EYS: variants seen among roughly 807,000 people sequenced by gnomAD.
The protein encoded by EYS is EGF-like photoreceptor maintenance factor.
EYS carries 250 observed loss-of-function variants against 282.1 expected under a neutral mutation model. The ratio of observed to expected loss-of-function variants is 0.89; its 90% confidence interval spans 0.80 to 0.98. The LOEUF (loss-of-function observed/expected upper bound fraction) is 0.98, where lower values mean the gene tolerates loss of function less well. EYS is among the 50% of genes least tolerant of loss of function. The pLI, the probability that EYS is intolerant of heterozygous loss-of-function variation, is 0.00. For synonymous variants in EYS, 1,355 were observed against 1,282.9 expected, an observed-to-expected ratio of 1.06 and a Z score of -1.20; for missense variants, 4,016 against 3,709.0, an observed-to-expected ratio of 1.08 and a Z score of -2.15.
At chr6:65,400,819 C>T (rs1186517946) in intron 7 of EYS, among the ~76,000 whole-genome samples, 1 of 151,804 alleles carries the variant, frequency 6.6e-6, no homozygotes, top group Admixed American at 6.6e-5. Flanking sequence ...TTCACCTTGA[C>T]ACATTTTTTT....
At chr6:65,483,007 A>C (rs1765660037) in intron 5 of EYS, among the ~76,000 whole-genome samples, 1 of 152,214 alleles carries the variant, frequency 6.6e-6, no homozygotes, top group South Asian at 2.1e-4. Flanking sequence ...TACACATTTA[A>C]AAATTTAGCA....
rs1410880283 is a variant in EYS, at chr6:64,317,305, A to C, written c.6079-10223T>G. Among the ~76,000 whole-genome samples the C allele has an allele frequency of 2.0e-5, 3 of 151,814 alleles. No homozygotes were observed. In the South Asian group the frequency reaches 6.2e-4, roughly 32 times the overall value. ...ATCTATCCATCTGACAAAGGGCTAA[A>C]ATTCAGAATCTACAAAGAACTTAAA... is the stretch of plus-strand genomic sequence containing the variant. On this transcript the variant is annotated intron_variant, in intron 29 of 42. Transcript: ENST00000503581.
At chr6:64,903,183 A>G (rs907023003) in intron 16 of EYS, among the ~76,000 whole-genome samples, 1 of 152,164 alleles carries the variant, frequency 6.6e-6, no homozygotes, top group Non-Finnish European at 1.5e-5. Context: ...TTATATATTA[A>G]CTAAGTATAA....
intron 31 of EYS, among the ~76,000 whole-genome samples, chr6:64,115,182 T>G (rs1198876536): frequency 6.6e-6 from 1 of 152,098 alleles, no homozygotes; most frequent in Non-Finnish European, 1.5e-5. Context: ...TGCACATGAG[T>G]ATGTCCCAGA....
chr6:65,196,140 T>A (rs1204130486), intron 12 of EYS, among the ~76,000 whole-genome samples: 1 of 152,042 alleles, frequency 6.6e-6, no homozygotes, highest in Non-Finnish European at 1.5e-5. Context: ...CAGTTTGCCA[T>A]AATTTTGTTC....
intron 13 of EYS, among the ~76,000 whole-genome samples, chr6:65,010,181 G>A (rs1344564558): frequency 6.6e-6 from 1 of 152,210 alleles, no homozygotes; most frequent in East Asian, 1.9e-4. Flanking sequence ...GGACAAGCTT[G>A]CAACCTGTGG....
intron 35 of EYS, among the ~76,000 whole-genome samples, chr6:63,924,064 T>G (rs1002453080): frequency 1.3e-5 from 2 of 152,144 alleles, no homozygotes; most frequent in Non-Finnish European, 2.9e-5. Context: ...CAAAAAGGAA[T>G]TCTCTAAAGC....
chr6:65,600,651 C>G (rs1406652848), intron 2 of EYS, among the ~76,000 whole-genome samples: 1 of 151,848 alleles, frequency 6.6e-6, no homozygotes, highest in Admixed American at 6.6e-5. Context: ...CCGCCAAATC[C>G]CAATCAGGAA....
At chr6:64,175,726 C>T (rs535654583) in intron 31 of EYS, among the ~76,000 whole-genome samples, 5 of 152,220 alleles carry the variant, frequency 3.3e-5, no homozygotes, top group Middle Eastern at 3.4e-3. Flanking sequence ...TCCGGTCATG[C>T]CCTGTGAAGT....
At chr6:64,734,535 G>A (rs1426728803) in intron 22 of EYS, among the ~76,000 whole-genome samples, 1 of 152,002 alleles carries the variant, frequency 6.6e-6, no homozygotes, top group Admixed American at 6.5e-5. Flanking sequence ...AAAATTTTGG[G>A]GTTTGTGTAG....
intron 13 of EYS, among the ~76,000 whole-genome samples, chr6:65,007,157 C>A (rs760018873): frequency 1.9e-4 from 29 of 151,984 alleles, no homozygotes; most frequent in Non-Finnish European, 3.2e-4. Flanking sequence ...TGTAACTAAT[C>A]AGATAAGCAG....
chr6:64,296,770 C>G (rs1056796127), intron 30 of EYS, among the ~76,000 whole-genome samples: 2 of 151,600 alleles, frequency 1.3e-5, no homozygotes, highest in Non-Finnish European at 2.9e-5. Context: ...CCAAGCCAGG[C>G]TAACTTTTGT....
intron 26 of EYS, among the ~76,000 whole-genome samples, chr6:64,444,149 C>A (rs928521926): frequency 6.6e-6 from 1 of 152,078 alleles, no homozygotes; most frequent in East Asian, 1.9e-4. Context: ...TAGGCATCCA[C>A]CTTATAGTTC....
intron 31 of EYS, among the ~76,000 whole-genome samples, chr6:64,165,829 G>C (rs1434761540): frequency 6.6e-6 from 1 of 152,070 alleles, no homozygotes; most frequent in African/African-American, 2.4e-5. Flanking sequence ...TTGATTACTT[G>C]AGATGTATGG....
In EYS at chr6:64,593,174, G is replaced by C. The variant is rs1325603135; in HGVS notation, c.3820C>G (p.Pro1274Ala). 1 of 1,549,302 alleles carries C rather than the reference G, an allele frequency of 6.5e-7. No individual in the cohort carries two copies. The highest frequency in any genetic ancestry group is 2.0e-5 in the Admixed American group (1 of 50,608). Residue 1274 changes from proline to alanine, a missense_variant, in exon 25 of 43, where the codon CCA becomes GCA. Coordinates refer to ENST00000503581, the MANE Select transcript of EYS (RefSeq NM_001142800.2). ...GGTATTCTAGTAGCCTTTATAGATG[G>C]AAAGCTGCTGACCAAAGTCTCAGAA... is the stretch of plus-strand genomic sequence containing the variant. ...PPSETLVSSFPSIKATRIPAI... is the reference protein window; with the variant it reads ...PPSETLVSSFASIKATRIPAI...
Position 63,744,671 on chromosome 6 carries a change from G to A in EYS, c.8071+17790C>T, listed in dbSNP as rs138930145. The stretch of plus-strand genomic sequence containing the variant: ...CAACCTCTGCCTCCTGGGTTCAAGC[G>A]ATTCTCCTGCCTCAGCCTCCCGAGT... On this transcript the variant is annotated intron_variant, in intron 41 of 42. Coordinates refer to ENST00000503581, the MANE Select transcript of EYS (RefSeq NM_001142800.2). 5.0e-3 allele frequency: 788 copies of A among 156,818 alleles called. 7 individuals are homozygous for A. Among genetic ancestry groups the A allele is most frequent in the African/African-American group, 0.018 (750 of 41,414 alleles). 9.7% of individuals were successfully genotyped at this position (156,818 alleles called of 1,614,324 possible). A position where few individuals can be genotyped will look rare whatever the true frequency, so the allele number is the denominator to read the frequency against.
At chr6:63,755,333 C>T (rs543895220) in intron 41 of EYS, among the ~76,000 whole-genome samples, 59 of 152,310 alleles carry the variant, frequency 3.9e-4, no homozygotes, top group African/African-American at 1.4e-3. Context: ...GATCCAGTTT[C>T]AGCTTTCTAC....
At chr6:63,759,683 A>AT (rs1769582860) in intron 41 of EYS, among the ~76,000 whole-genome samples, 2 of 152,056 alleles carry the variant, frequency 1.3e-5, no homozygotes. Context: ...CCTAAAGCTT[A>AT]TTTTTTTCCT....
intron 26 of EYS, among the ~76,000 whole-genome samples, chr6:64,538,713 G>T (rs1397036661): frequency 6.6e-6 from 1 of 152,080 alleles, no homozygotes. Context: ...TGCTCAGCAT[G>T]CATCTCCTTT....
Sources: allele counts gnomAD v4.1 joint callset (sites outside exome capture counted in the v4.1 genomes callset), GRCh38; gene constraint gnomAD v4.1.1; transcripts MANE v1.5; gene names NCBI Gene and HGNC (gene_info 2026-07-23, HGNC 2026-07-21).